Variants in ZNF236 observed in about 807,000 individuals in gnomAD.
ZNF236 encodes regulated by glucose.
ZNF236 carries 50 observed loss-of-function variants against 191.2 expected under a neutral mutation model. The observed-to-expected ratio is 0.26, with a 90% CI of 0.21 to 0.33. ZNF236 has a LOEUF of 0.33. Ranked by LOEUF, ZNF236 falls within the 10% of genes least tolerant of loss-of-function variation. The pLI is 1.00. For synonymous variants in ZNF236, 907 were observed against 928.8 expected, an observed-to-expected ratio of 0.98 and a Z score of 0.43; for missense variants, 1,754 against 2,374.5, an observed-to-expected ratio of 0.74 and a Z score of 5.43.
intron 26 of ZNF236, among the ~76,000 whole-genome samples, chr18:76,944,098 G>A (rs1045566325): frequency 1.3e-5 from 2 of 152,146 alleles, no homozygotes; most frequent in South Asian, 2.1e-4. Context: ...ACATTCCTGG[G>A]TCTCAGCAGG....
chr18:76,828,769 C>G (rs1975082267), intron 1 of ZNF236, among the ~76,000 whole-genome samples: 1 of 152,082 alleles, frequency 6.6e-6, no homozygotes, highest in East Asian at 1.9e-4. Flanking sequence ...TGGGTTCAAA[C>G]AATTCTCCAG....
intron 7 of ZNF236, among the ~76,000 whole-genome samples, 153 bp downstream of exon 7, chr18:76,878,305 T>C (rs1976774253): frequency 6.6e-6 from 1 of 152,220 alleles, no homozygotes; most frequent in Non-Finnish European, 1.5e-5. Flanking sequence ...AAAGTCAATC[T>C]TTTAAAATTT....
intron 18 of ZNF236, among the ~76,000 whole-genome samples, chr18:76,914,176 C>T (rs144880493): frequency 6.6e-6 from 1 of 152,290 alleles, no homozygotes; most frequent in Non-Finnish European, 1.5e-5. Context: ...ATTTGCCTGT[C>T]CTGGGTATTT....
Position 76,880,081 on chromosome 18 carries a change from G to A in ZNF236, c.985-32G>A. ...CCTTTTTAAATTGAAGAGCAAAATT[G>A]TATTTTTAATGAAAATGTTTCTGTG... On this transcript the variant is annotated intron_variant, in intron 7 of 30. Transcript: ENST00000320610. This position sits in a 1 kb window ranked among gnomAD's most constrained non-coding sequence, Gnocchi z 5.0. 6.9e-7 allele frequency: 1 copy of A among 1,455,376 alleles called. No individual in the cohort carries two copies. The highest frequency in any genetic ancestry group is 9.4e-7 in the Non-Finnish European group (1 of 1,066,014). 90.2% of individuals were successfully genotyped at this position (1,455,376 alleles called of 1,614,324 possible). A position where few individuals can be genotyped will look rare whatever the true frequency, so the allele number is the denominator to read the frequency against.
intron 26 of ZNF236, among the ~76,000 whole-genome samples, chr18:76,938,368 C>T (rs1458011366): frequency 3.9e-5 from 6 of 152,076 alleles, no homozygotes; most frequent in East Asian, 3.9e-4. Flanking sequence ...CCAGCCTGAA[C>T]GACAGAGTGA....
At chr18:76,867,410 ACTTTT>A (rs891288241) in intron 3 of ZNF236, among the ~76,000 whole-genome samples, 18 of 152,146 alleles carry the variant, frequency 1.2e-4, no homozygotes, top group African/African-American at 4.3e-4. Context: ...AAAACATTTC[ACTTTT>A]CTTTGTCTTT....
Position 76,925,044 on chromosome 18 carries a change from CATCTT to C in ZNF236, c.3662-142_3662-138del, listed in dbSNP as rs1967636495. On this transcript the variant is annotated intron_variant, in intron 21 of 30. Coordinates refer to ENST00000320610, the MANE Select transcript of ZNF236 (RefSeq NM_001306089.2). The surrounding 1 kb of genome is among the most constrained non-coding windows in gnomAD (Gnocchi z 5.7). ...CAGCAATTGCCTGTGACGTCCGTAA[CATCTT>C]ATAGGTGAAAGGGATTCTCATTAAA... The C allele has an allele frequency of 8.0e-7, 1 of 1,256,170 alleles. No individual in the cohort carries two copies. Among genetic ancestry groups the C allele is most frequent in the African/African-American group, 1.5e-5 (1 of 66,192 alleles). The allele number at this position is 1,256,170 out of a possible 1,614,324, so 77.8% of individuals were successfully genotyped here. A position where few individuals can be genotyped will look rare whatever the true frequency, so the allele number is the denominator to read the frequency against.
At position 76,919,989 on chromosome 18, in the gene ZNF236, A is replaced by G; in HGVS notation, c.3488A>G (p.Asp1163Gly). 1 of 1,613,758 alleles carries G rather than the reference A, an allele frequency of 6.2e-7. No homozygotes were observed. Among genetic ancestry groups the G allele is most frequent in the East Asian group, 2.2e-5 (1 of 44,860 alleles). ...ELRDKQAELQDEPKHANCCTY... is the reference protein window; with the variant it reads ...ELRDKQAELQGEPKHANCCTY... ...AGGGACAAGCAGGCGGAGCTGCAGG[A>G]CGAGCCCAAGCACGCCAACTGCTGC... Residue 1163 changes from aspartate (D) to glycine (G), a missense_variant, in exon 20 of 31, where the codon GAC becomes GGC. By Grantham distance (94) the Asp-to-Gly change is moderately conservative. Coordinates refer to ENST00000320610, the MANE Select transcript of ZNF236 (RefSeq NM_001306089.2). This position sits in a 1 kb window ranked among gnomAD's most constrained non-coding sequence, Gnocchi z 5.3.
intron 10 of ZNF236, among the ~76,000 whole-genome samples, chr18:76,896,181 G>A (rs1317535776): frequency 6.6e-6 from 1 of 151,444 alleles, no homozygotes; most frequent in African/African-American, 2.4e-5. Flanking sequence ...ACCACACGTG[G>A]TACCAAACAC....
At chr18:76,881,028 A>G (rs896607290) in intron 8 of ZNF236, among the ~76,000 whole-genome samples, 4 of 152,250 alleles carry the variant, frequency 2.6e-5, no homozygotes, top group Admixed American at 2.0e-4. Context: ...CTGAAAGTCA[A>G]ATAAATTTTA....
At chr18:76,855,995 C>T (rs1009085986) in intron 3 of ZNF236, among the ~76,000 whole-genome samples, 2 of 152,132 alleles carry the variant, frequency 1.3e-5, no homozygotes, top group African/African-American at 4.8e-5. Flanking sequence ...GAGATTTTGT[C>T]AGTTTATCCT....
intron 20 of ZNF236, 122 bp downstream of exon 20, chr18:76,920,180 A>T: frequency 8.8e-7 from 1 of 1,134,792 alleles, no homozygotes; most frequent in Non-Finnish European, 1.2e-6. Context: ...CACCTGAGTG[A>T]TGGCAGCTTA....
intron 9 of ZNF236, among the ~76,000 whole-genome samples, chr18:76,893,390 T>C (rs1216882505): frequency 1.3e-5 from 2 of 152,234 alleles, no homozygotes; most frequent in Non-Finnish European, 2.9e-5. Flanking sequence ...CCAGTTCCCT[T>C]ATTTCCTTCT....
At chr18:76,828,698 G>A (rs1295590252) in intron 1 of ZNF236, among the ~76,000 whole-genome samples, 1 of 152,096 alleles carries the variant, frequency 6.6e-6, no homozygotes, top group Non-Finnish European at 1.5e-5. Context: ...ACGGAGTCTC[G>A]CTCTGTTGCC....
At chr18:76,894,861 C>T in intron 9 of ZNF236, 152 bp from the exon 10 acceptor site, 1 of 1,088,396 alleles carries the variant, frequency 9.2e-7, no homozygotes, top group Non-Finnish European at 1.3e-6. Context: ...GAGATTAACT[C>T]CTAGCCCTCG....
At chr18:76,879,104 A>C (rs938401393) in intron 7 of ZNF236, among the ~76,000 whole-genome samples, 1 of 152,236 alleles carries the variant, frequency 6.6e-6, no homozygotes, top group Non-Finnish European at 1.5e-5. Flanking sequence ...AACGTTGTGT[A>C]AATCAACCGA....
At chr18:76,953,080 CT>C (rs1403036373) in intron 27 of ZNF236, among the ~76,000 whole-genome samples, 1 of 152,200 alleles carries the variant, frequency 6.6e-6, no homozygotes, top group Non-Finnish European at 1.5e-5. Context: ...GAAATCCATA[CT>C]GATCTGACAA....
chr18:76,913,219 A>G (rs1967265086), intron 17 of ZNF236, among the ~76,000 whole-genome samples: 1 of 152,254 alleles, frequency 6.6e-6, no homozygotes, highest in African/African-American at 2.4e-5. Flanking sequence ...TAGTCTATTC[A>G]GTAACAACTG....
intron 11 of ZNF236, among the ~76,000 whole-genome samples, chr18:76,899,952 C>T (rs1301604137): frequency 6.6e-6 from 1 of 152,170 alleles, no homozygotes; most frequent in African/African-American, 2.4e-5. Flanking sequence ...CTCTCTTCCT[C>T]ATAGATAGTG....
Sources: gnomAD v4.1 joint callset for allele counts (sites outside exome capture counted in the v4.1 genomes callset) on GRCh38, gnomAD v4.1.1 for gene constraint, Gnocchi (gnomAD v3.1) non-coding constraint, MANE v1.5 for transcripts, NCBI Gene and HGNC (gene_info 2026-07-23, HGNC 2026-07-21) for gene names.